ZNF69: variants seen among roughly 807,000 people sequenced by gnomAD.
ZNF69 encodes zinc finger protein 69.
In ZNF69, 47 loss-of-function variants were observed where a neutral mutation model predicts 50.9. The observed-to-expected ratio is 0.92, with a 90% CI of 0.73 to 1.18. The LOEUF (loss-of-function observed/expected upper bound fraction) is 1.18. Among genes scored for constraint, ZNF69 ranks in the 50% most tolerant of loss-of-function variants. The pLI is 0.00. For synonymous variants in ZNF69, 216 were observed against 223.1 expected (o/e 0.97, Z 0.29); for missense variants, 717 against 675.1 (o/e 1.06, Z -0.69).
chr19:11,931,665 G>A, the ZNF69 span, among the ~76,000 whole-genome samples: 1 of 148,354 alleles, frequency 6.7e-6, no homozygotes, highest in South Asian at 2.1e-4. Context: ...GCATATTTCA[G>A]AGAGGTTACA....
the ZNF69 span, among the ~76,000 whole-genome samples, chr19:11,941,213 C>T: frequency 2.0e-5 from 3 of 152,274 alleles, no homozygotes; most frequent in African/African-American, 7.2e-5. Flanking sequence ...CCACCAGACT[C>T]AGGAGCCCAG....
the ZNF69 span, among the ~76,000 whole-genome samples, chr19:11,974,117 CT>C: frequency 2.5e-5 from 2 of 79,634 alleles, no homozygotes; most frequent in African/African-American, 1.0e-4. Context: ...TTCTTTCTTT[CT>C]TTCTTTCTTT....
At chr19:11,971,837 A>C in the ZNF69 span, among the ~76,000 whole-genome samples, 1 of 152,098 alleles carries the variant, frequency 6.6e-6, no homozygotes, top group Non-Finnish European at 1.5e-5. Context: ...GCCAATGTGG[A>C]TGGATAGCCT....
chr19:11,978,425 C>T, the ZNF69 span: 89 of 1,613,970 alleles, frequency 5.5e-5, no homozygotes, highest in Admixed American at 1.0e-4. Flanking sequence ...GGAATCACAC[C>T]GGAGAGAAAC....
At chr19:11,962,186 G>A in the ZNF69 span, among the ~76,000 whole-genome samples, 1 of 152,038 alleles carries the variant, frequency 6.6e-6, no homozygotes, top group Non-Finnish European at 1.5e-5. Context: ...GGAGGCTGAG[G>A]GGGGTGGATC....
chr19:11,974,130 C>CTTTTCTTTCTTTCTTTCTTTCTTTCT, the ZNF69 span, among the ~76,000 whole-genome samples: 1 of 82,206 alleles, frequency 1.2e-5, no homozygotes, highest in African/African-American at 5.7e-5. Flanking sequence ...TCTTTCTTTT[C>CTTTTCTTTCTTTCTTTCTTTCTTTCT]TTTCTTTCTT....
chr19:11,927,025 C>G, the ZNF69 span, among the ~76,000 whole-genome samples: 1 of 152,064 alleles, frequency 6.6e-6, no homozygotes, highest in Non-Finnish European at 1.5e-5. Context: ...GAATTCAAGA[C>G]GAGTCACAAA....
chr19:11,924,769 T>G, the ZNF69 span, among the ~76,000 whole-genome samples: 1 of 152,264 alleles, frequency 6.6e-6, no homozygotes, highest in Non-Finnish European at 1.5e-5. Flanking sequence ...AGCAGTTGGC[T>G]CCTATGGACA....
At chr19:11,920,392 C>T in the ZNF69 span, among the ~76,000 whole-genome samples, 1 of 152,084 alleles carries the variant, frequency 6.6e-6, no homozygotes, top group African/African-American at 2.4e-5. Context: ...GGATTACAGG[C>T]GTGAGCTACT....
the ZNF69 span, among the ~76,000 whole-genome samples, chr19:11,969,195 T>C: frequency 6.6e-6 from 1 of 152,184 alleles, no homozygotes; most frequent in Admixed American, 6.5e-5. Context: ...GCCTCTGCCT[T>C]CTGGGTTCAA....
the ZNF69 span, chr19:11,964,897 T>C: frequency 2.4e-5 from 9 of 375,818 alleles, no homozygotes; most frequent in South Asian, 2.0e-4. Flanking sequence ...ATCCGTCAAG[T>C]CAGTCTGGCT....
At chr19:11,959,817 C>G in the ZNF69 span, among the ~76,000 whole-genome samples, 1 of 152,250 alleles carries the variant, frequency 6.6e-6, no homozygotes, top group East Asian at 1.9e-4. Context: ...AACCATCTCA[C>G]CTTTCATGCA....
At chr19:11,941,508 C>T in the ZNF69 span, among the ~76,000 whole-genome samples, 4 of 152,200 alleles carry the variant, frequency 2.6e-5, no homozygotes, top group African/African-American at 9.7e-5. Flanking sequence ...TACTGGGGGA[C>T]CCAGTACACC....
the ZNF69 span, chr19:11,950,210 A>G: frequency 1.2e-6 from 2 of 1,613,014 alleles, no homozygotes; most frequent in East Asian, 2.2e-5. Flanking sequence ...CATATGGGAG[A>G]GAAGCCATAT....
At chr19:11,903,880 C>T in intron 2 of ZNF69, 25 bp from the exon 3 acceptor site, 1 of 1,612,244 alleles carries the variant, frequency 6.2e-7, no homozygotes, top group Non-Finnish European at 8.5e-7. Flanking sequence ...TGCCTCAGGA[C>T]TATTTTTCTG....
At chr19:11,910,524 A>G (rs1972442651), downstream of ZNF69, among the ~76,000 whole-genome samples, 1 of 152,210 alleles carries the variant, frequency 6.6e-6, no homozygotes, top group African/African-American at 2.4e-5. Flanking sequence ...CCACACATCT[A>G]CAACCATCTG....
At chr19:11,950,364 G>A in the ZNF69 span, 1 of 1,114,918 alleles carries the variant, frequency 9.0e-7, no homozygotes, top group Non-Finnish European at 1.3e-6. Flanking sequence ...ATCATGAAAG[G>A]ACTCACACTG....
chr19:11,952,640 A>C, the ZNF69 span, among the ~76,000 whole-genome samples: 1 of 152,238 alleles, frequency 6.6e-6, no homozygotes, highest in African/African-American at 2.4e-5. Flanking sequence ...TGCAGCATCA[A>C]TCATTGACCA....
the ZNF69 span, chr19:11,950,368 C>T: frequency 1.9e-6 from 2 of 1,069,484 alleles, no homozygotes; most frequent in Non-Finnish European, 1.4e-6. Context: ...TGAAAGGACT[C>T]ACACTGGGGA....
Sources: gnomAD v4.1 joint callset for allele counts (sites outside exome capture counted in the v4.1 genomes callset) on GRCh38, gnomAD v4.1.1 for gene constraint, MANE v1.5 for transcripts, NCBI Gene and HGNC (gene_info 2026-07-23, HGNC 2026-07-21) for gene names.